The following KDM4C variants were observed in gnomAD, a reference collection of about 807,000 sequenced individuals.
KDM4C encodes lysine demethylase 4C, also known as lysine-specific demethylase 4C.
A neutral mutation model predicts 129.3 loss-of-function variants in KDM4C; 81 were observed. The observed-to-expected ratio is 0.63, with a 90% CI of 0.52 to 0.75. KDM4C has a LOEUF of 0.75. KDM4C is among the 30% of genes least tolerant of loss of function. The probability of loss-of-function intolerance (pLI) is 0.00; values close to 1 mark genes in which losing one functional copy is unlikely to be tolerated. For missense variants in KDM4C, 1,457 were observed against 1,304.0 expected (o/e 1.12, Z -1.81); for synonymous variants, 573 against 456.1 (o/e 1.26, Z -3.26).
At chr9:7,099,248 C>A (rs1225436276) in intron 17 of KDM4C, among the ~76,000 whole-genome samples, 3 of 152,176 alleles carry the variant, frequency 2.0e-5, no homozygotes, top group Admixed American at 1.3e-4. Flanking sequence ...AATCAGAAAT[C>A]ATATTAACAG....
intron 15 of KDM4C, among the ~76,000 whole-genome samples, chr9:7,022,637 C>CTTTTTTTTTT (rs375675040): frequency 3.0e-5 from 4 of 133,960 alleles, no homozygotes; most frequent in Non-Finnish European, 4.8e-5. Flanking sequence ...CCCTTTATTT[C>CTTTTTTTTTT]TTTTTTTTTT....
chr9:7,169,842 C>T lies in KDM4C; in HGVS notation c.2946C>T (p.Asp982=). 1 of 1,611,924 alleles carries T rather than the reference C, an allele frequency of 6.2e-7. No homozygotes were observed. Among genetic ancestry groups the T allele is most frequent in the Admixed American group, 1.7e-5 (1 of 59,870 alleles). The part of the protein sequence containing the change: ...DGSQIAMKRE[D]IYTLDEELPK... The stretch of plus-strand genomic sequence containing the variant: ...CCCAGATAGCAATGAAGAGAGAGGA[C>T]ATCTACACTTTAGATGAAGAGTTAC... The change falls in exon 21 of 22, where the codon GAC becomes GAT. Residue 982 remains aspartate (D), a synonymous_variant. Coordinates refer to ENST00000381309, the MANE Select transcript of KDM4C (RefSeq NM_015061.6).
At chr9:7,080,139 C>T (rs1406403428) in intron 17 of KDM4C, among the ~76,000 whole-genome samples, 2 of 152,196 alleles carry the variant, frequency 1.3e-5, no homozygotes, top group African/African-American at 4.8e-5. Flanking sequence ...TCTTGGTCCA[C>T]AACTAGTCCA....
chr9:7,015,972 C>A, intron 15 of KDM4C, 43 bp downstream of exon 15: 1 of 1,386,498 alleles, frequency 7.2e-7, no homozygotes, highest in Non-Finnish European at 1.0e-6. Context: ...TCTTCCCACC[C>A]TACCCACTGT....
chr9:6,867,306 G>A (rs939675218), intron 5 of KDM4C, among the ~76,000 whole-genome samples: 9 of 152,160 alleles, frequency 5.9e-5, no homozygotes, highest in East Asian at 5.8e-4. Context: ...GAGCCGCTGC[G>A]CCCGGCCAGT....
At chr9:7,055,735 CAT>C (rs1217304711) in intron 17 of KDM4C, among the ~76,000 whole-genome samples, 2 of 152,160 alleles carry the variant, frequency 1.3e-5, no homozygotes, top group African/African-American at 2.4e-5. Flanking sequence ...CCAACTGACT[CAT>C]GTTATCAGAT....
At chr9:6,858,838 T>C (rs1168299350) in intron 5 of KDM4C, among the ~76,000 whole-genome samples, 1 of 152,116 alleles carries the variant, frequency 6.6e-6, no homozygotes, top group East Asian at 1.9e-4. Context: ...CTTTATCATT[T>C]TTTTGGTATC....
At chr9:6,835,982 A>G (rs1180007287) in intron 4 of KDM4C, among the ~76,000 whole-genome samples, 1 of 152,008 alleles carries the variant, frequency 6.6e-6, no homozygotes, top group African/African-American at 2.4e-5. Flanking sequence ...ATTTTTTTAA[A>G]TTTTTGCCTT....
intron 1 of KDM4C, among the ~76,000 whole-genome samples, chr9:6,791,947 G>A (rs560884347): frequency 9.8e-5 from 15 of 152,312 alleles, no homozygotes; most frequent in African/African-American, 2.9e-4. Context: ...ACTGGAACCC[G>A]GGAGGTCGAG....
intron 3 of KDM4C, 53 bp from the exon 4 acceptor site, chr9:6,814,578 A>G: frequency 8.7e-7 from 1 of 1,154,376 alleles, no homozygotes; most frequent in Non-Finnish European, 1.2e-6. Flanking sequence ...TGGTGGGAAA[A>G]ACCCTAAAAC....
intron 6 of KDM4C, among the ~76,000 whole-genome samples, chr9:6,886,751 C>G (rs1845347904): frequency 6.6e-6 from 1 of 152,120 alleles, no homozygotes; most frequent in African/African-American, 2.4e-5. Flanking sequence ...CTCAGCCTCC[C>G]AAAGTGTTGG....
rs1181954223 is a variant in KDM4C at position 7,065,923 on chromosome 9, C to T, written c.2424+16723C>T. Among the ~76,000 whole-genome samples the T allele has an allele frequency of 3.3e-5, 5 of 151,734 alleles. No homozygotes were observed. In the East Asian group the frequency reaches 9.7e-4, roughly 29 times the overall value. On this transcript the variant is annotated intron_variant, in intron 17 of 21. Coordinates refer to ENST00000381309, the MANE Select transcript of KDM4C (RefSeq NM_015061.6). The stretch of plus-strand genomic sequence containing the variant: ...AAAATTGTGATCCGCAGGTCTTTTC[C>T]TAGCTTTCACGATGTCACAGTTCTA...
At chr9:6,752,090 T>C (rs968665495) in intron 1 of KDM4C, among the ~76,000 whole-genome samples, 2 of 150,062 alleles carry the variant, frequency 1.3e-5, no homozygotes, top group South Asian at 2.1e-4. Flanking sequence ...TCCCAGCACT[T>C]TGGGAGGCCG....
intron 8 of KDM4C, among the ~76,000 whole-genome samples, chr9:6,929,245 CAT>C (rs1823208174): frequency 1.3e-5 from 2 of 152,142 alleles, no homozygotes; most frequent in Non-Finnish European, 2.9e-5. Flanking sequence ...ATTGAAGACA[CAT>C]GTTTAGCTAT....
chr9:6,903,224 T>C (rs1490581484), intron 8 of KDM4C, among the ~76,000 whole-genome samples: 1 of 152,214 alleles, frequency 6.6e-6, no homozygotes, highest in Non-Finnish European at 1.5e-5. Flanking sequence ...ATATTCAGGG[T>C]TGTCCTTTGA....
intron 15 of KDM4C, among the ~76,000 whole-genome samples, chr9:7,036,410 T>G (rs1374693297): frequency 1.3e-5 from 2 of 152,186 alleles, no homozygotes; most frequent in Non-Finnish European, 2.9e-5. Flanking sequence ...GTAAGCTCCA[T>G]GTAGAGTACT....
intron 1 of KDM4C, among the ~76,000 whole-genome samples, chr9:6,767,282 G>T (rs905757723): frequency 1.3e-5 from 2 of 151,612 alleles, no homozygotes; most frequent in African/African-American, 4.9e-5. Flanking sequence ...GGGACTACAG[G>T]CACCCCTCAC....
intron 1 of KDM4C, among the ~76,000 whole-genome samples, chr9:6,746,426 G>C (rs1817877174): frequency 6.7e-6 from 1 of 150,186 alleles, no homozygotes; most frequent in Non-Finnish European, 1.5e-5. Context: ...TCGCCACAAC[G>C]CCCGGCTAAT....
intron 1 of KDM4C, among the ~76,000 whole-genome samples, chr9:6,774,209 G>T (rs754133692): frequency 4.6e-5 from 7 of 152,014 alleles, no homozygotes; most frequent in African/African-American, 7.2e-5. Flanking sequence ...TGAAATTAAT[G>T]TAACAAAATA....
Sources: allele counts gnomAD v4.1 joint callset (sites outside exome capture counted in the v4.1 genomes callset), GRCh38; gene constraint gnomAD v4.1.1; transcripts MANE v1.5; gene names NCBI Gene and HGNC (gene_info 2026-07-23, HGNC 2026-07-21).